The following KAZN variants were observed in gnomAD, a reference collection of about 807,000 sequenced individuals.
The protein encoded by KAZN is kazrin, periplakin interacting protein, also known as kazrin.
A neutral mutation model predicts 87.4 loss-of-function variants in KAZN; 40 were observed. The observed-to-expected ratio is 0.46, with a 90% CI of 0.36 to 0.60. The LOEUF is 0.60. KAZN is among the 20% of genes least tolerant of loss of function. The pLI is 0.00. For missense variants in KAZN, 898 were observed against 1,073.9 expected, an observed-to-expected ratio of 0.84 and a Z score of 2.29; for synonymous variants, 466 against 458.3, an observed-to-expected ratio of 1.02 and a Z score of -0.22.
intron 2 of KAZN, among the ~76,000 whole-genome samples, chr1:14,287,949 GT>G (rs1455547564): frequency 6.6e-6 from 1 of 152,176 alleles, no homozygotes; most frequent in East Asian, 1.9e-4. Context: ...TGTGGTTTTT[GT>G]TGATGGTTGT....
intron 1 of KAZN, among the ~76,000 whole-genome samples, chr1:14,857,362 T>C (rs141176008): frequency 2.6e-5 from 4 of 152,166 alleles, no homozygotes; most frequent in African/African-American, 9.6e-5. Context: ...AGCAACATAG[T>C]GAAACCCCAT....
chr1:13,988,503 T>C (rs895118331), intron 1 of KAZN, among the ~76,000 whole-genome samples: 1 of 152,142 alleles, frequency 6.6e-6, no homozygotes, highest in African/African-American at 2.4e-5. Flanking sequence ...ACCTCCCTTG[T>C]CTGGCAGTTA....
chr1:14,685,970 T>C (rs1640929141), intron 1 of KAZN, among the ~76,000 whole-genome samples: 1 of 152,168 alleles, frequency 6.6e-6, no homozygotes, highest in African/African-American at 2.4e-5. Context: ...TGGAGTAAAC[T>C]CCCCCAGGTC....
chr1:14,094,145 G>C (rs1644071467), intron 1 of KAZN, among the ~76,000 whole-genome samples: 1 of 152,166 alleles, frequency 6.6e-6, no homozygotes, highest in African/African-American at 2.4e-5. Context: ...GCTTGCCTTG[G>C]AGGAGAATGA....
At chr1:14,404,879 GCTAT>G (rs1447874999) in intron 2 of KAZN, among the ~76,000 whole-genome samples, 1 of 152,200 alleles carries the variant, frequency 6.6e-6, no homozygotes, top group East Asian at 1.9e-4. Context: ...AAGAAGGAAT[GCTAT>G]CTAACACCTG....
chr1:13,970,659 T>C (rs532987091), intron 1 of KAZN, among the ~76,000 whole-genome samples: 1 of 152,332 alleles, frequency 6.6e-6, no homozygotes, highest in East Asian at 1.9e-4. Flanking sequence ...TTAAGAGAAT[T>C]CTATTTTTCT....
chr1:14,105,338 G>A (rs1279818107), intron 1 of KAZN, among the ~76,000 whole-genome samples: 1 of 152,208 alleles, frequency 6.6e-6, no homozygotes, highest in Non-Finnish European at 1.5e-5. Context: ...GCCAAGAGTT[G>A]GAGTATGAGC....
At chr1:14,983,629 C>G (rs1324182890) in intron 2 of KAZN, among the ~76,000 whole-genome samples, 1 of 152,166 alleles carries the variant, frequency 6.6e-6, no homozygotes, top group East Asian at 1.9e-4. Flanking sequence ...ACTGCACAGT[C>G]TTTGTAGGAT....
chr1:14,426,188 C>T (rs1665716512), intron 2 of KAZN, among the ~76,000 whole-genome samples: 1 of 152,186 alleles, frequency 6.6e-6, no homozygotes, highest in Non-Finnish European at 1.5e-5. Context: ...CTTCTGTTAT[C>T]TCTTTCTTGA....
chr1:14,003,736 A>C (rs1413767450), intron 1 of KAZN, among the ~76,000 whole-genome samples: 2 of 152,234 alleles, frequency 1.3e-5, no homozygotes, highest in African/African-American at 2.4e-5. Context: ...AAGCAAAAAC[A>C]AAACAGAAAC....
At chr1:14,290,600 A>G (rs1220660986) in intron 2 of KAZN, among the ~76,000 whole-genome samples, 2 of 151,940 alleles carry the variant, frequency 1.3e-5, no homozygotes, top group Non-Finnish European at 2.9e-5. Context: ...AAGGTTTTCA[A>G]TTTCCTTGCG....
intron 1 of KAZN, among the ~76,000 whole-genome samples, chr1:14,173,409 C>G (rs764850542): frequency 4.3e-4 from 66 of 152,234 alleles, no homozygotes; most frequent in Non-Finnish European, 7.4e-4. Context: ...CTCCACTTAC[C>G]TCCATTTACT....
Position 15,112,517 on chromosome 1 carries a change from C to A in KAZN, c.2139C>A (p.Ser713Arg). Residue 713 changes from serine (S) to arginine (R), a missense_variant, in exon 14 of 15, where the codon AGC becomes AGA. By Grantham distance (110) the Ser-to-Arg change is moderately radical. Around this residue, in one of 3 missense-constraint regions of KAZN, gnomAD observed 127 missense variants for 121.5 expected, o/e 1.04. Coordinates refer to ENST00000376030, the MANE Select transcript of KAZN (RefSeq NM_201628.3). The part of the protein sequence containing the change: ...VTRAGKEENS[S>R]GLKYKAGRLP... ...GGGCAGGAAAGGAGGAGAACAGCAG[C>A]GGTCTCAAGTACAAGGCTGGCCGGG... 6.2e-7 allele frequency: 1 copy of A among 1,605,160 alleles called. No individual in the cohort carries two copies. The highest frequency in any genetic ancestry group is 8.5e-7 in the Non-Finnish European group (1 of 1,176,524).
intron 2 of KAZN, among the ~76,000 whole-genome samples, chr1:14,286,063 G>A (rs921866418): frequency 6.6e-6 from 1 of 152,232 alleles, no homozygotes; most frequent in African/African-American, 2.4e-5. Flanking sequence ...CAAGGACCAT[G>A]TCTGTATTAG....
At chr1:14,050,329 T>G (rs1642275665) in intron 1 of KAZN, among the ~76,000 whole-genome samples, 1 of 152,212 alleles carries the variant, frequency 6.6e-6, no homozygotes, top group Non-Finnish European at 1.5e-5. Context: ...ACAGCTGAGT[T>G]AGGCCCCTGT....
chr1:15,035,764 A>C (rs1244770041), intron 3 of KAZN, among the ~76,000 whole-genome samples: 1 of 152,158 alleles, frequency 6.6e-6, no homozygotes, highest in Non-Finnish European at 1.5e-5. Flanking sequence ...ACTGGAACCC[A>C]GGAGGTGGAG....
At chr1:14,418,717 C>T (rs1665052978) in intron 2 of KAZN, among the ~76,000 whole-genome samples, 1 of 152,206 alleles carries the variant, frequency 6.6e-6, no homozygotes, top group Admixed American at 6.5e-5. Context: ...TGTCTATGAT[C>T]TGATCTCTCA....
At chr1:14,101,103 G>A (rs1282163665) in intron 1 of KAZN, among the ~76,000 whole-genome samples, 1 of 152,116 alleles carries the variant, frequency 6.6e-6, no homozygotes, top group Non-Finnish European at 1.5e-5. Flanking sequence ...TTTATCAGCA[G>A]CGTGAAAATG....
chr1:14,844,816 T>C (rs1445007560), intron 1 of KAZN, among the ~76,000 whole-genome samples: 8 of 138,338 alleles, frequency 5.8e-5, no homozygotes, highest in Non-Finnish European at 3.1e-5. Context: ...TCTGGTTGGT[T>C]TGTGGGTTGG....
Sources: allele counts gnomAD v4.1 joint callset (sites outside exome capture counted in the v4.1 genomes callset), GRCh38; gene constraint gnomAD v4.1.1; regional missense constraint gnomAD v4.1.1; transcripts MANE v1.5; gene names NCBI Gene and HGNC (gene_info 2026-07-23, HGNC 2026-07-21).